The following PER3 variants were observed in gnomAD, a reference collection of about 807,000 sequenced individuals.
PER3 encodes period circadian protein homolog 3.
In PER3, 107 loss-of-function variants were observed where a neutral mutation model predicts 127.2. The observed-to-expected ratio is 0.84, with a 90% CI of 0.72 to 0.99. PER3 has a LOEUF of 0.99. Ranked by LOEUF, PER3 falls within the 50% of genes least tolerant of loss-of-function variation. PER3 has a pLI of 0.00. For missense variants in PER3, 1,560 were observed against 1,525.8 expected, an observed-to-expected ratio of 1.02 and a Z score of -0.37; for synonymous variants, 618 against 585.8, an observed-to-expected ratio of 1.05 and a Z score of -0.79.
In PER3 at chr1:7,826,461, A is replaced by G; in HGVS notation, c.1958-19A>G. On this transcript the variant is annotated intron_variant, in intron 16 of 21. Coordinates refer to ENST00000377532, the MANE Select transcript of PER3 (RefSeq NM_001377275.1). This position sits in a 1 kb window ranked among gnomAD's most constrained non-coding sequence, Gnocchi z 4.2. ...TAATTGATAGGAATTAAAATTAAAT[A>G]TGTCTTCTTCCACCTCAGCCAGGGA... is the stretch of plus-strand genomic sequence containing the variant. 6 of 1,350,854 alleles carry G rather than the reference A, an allele frequency of 4.4e-6. No homozygotes were observed. Among genetic ancestry groups the G allele is most frequent in the Non-Finnish European group, 4.2e-6 (4 of 942,940 alleles). The allele number at this position is 1,350,854 out of a possible 1,614,324, so 83.7% of individuals were successfully genotyped here.
chr1:7,825,916 C>A lies in PER3; in HGVS notation c.1958-564C>A, dbSNP rs79318555. Among the ~76,000 whole-genome samples the A allele has an allele frequency of 1.1e-3, 170 of 149,818 alleles. 1 individual carries two copies. Among genetic ancestry groups the A allele is most frequent in the African/African-American group, 4.0e-3 (163 of 40,886 alleles). ...CAAAAAAAAAAAAAATGAACAAATA[C>A]AAAATTTAGCCAGGCGTGGTGTGGC... is the stretch of plus-strand genomic sequence containing the variant. On this transcript the variant is annotated intron_variant, in intron 16 of 21. Coordinates refer to ENST00000377532, the MANE Select transcript of PER3 (RefSeq NM_001377275.1).
Position 7,809,977 on chromosome 1 carries a change from A to G in PER3, c.1327A>G (p.Ser443Gly), listed in dbSNP as rs2097212064. The G allele has an allele frequency of 6.2e-7, 1 of 1,613,872 alleles. No homozygotes were observed. The highest frequency in any genetic ancestry group is 8.5e-7 in the Non-Finnish European group (1 of 1,179,710). Residue 443 changes from serine to glycine, a missense_variant, in exon 12 of 22, where the codon AGT (serine) becomes GGT (glycine). Ser to Gly is a moderately conservative substitution (Grantham distance 56). Transcript: ENST00000377532. The stretch of plus-strand genomic sequence containing the variant: ...GCAGCTTGTCAGCATCGCCTCCTCC[A>G]GTGAGGCCAGTGGGCACCGTGTGGA... The part of the protein sequence containing the change: ...QEQLVSIASS[S>G]EASGHRVEET...
intron 10 of PER3, 67 bp downstream of exon 10, chr1:7,803,915 G>A: frequency 7.7e-7 from 1 of 1,297,806 alleles, no homozygotes; most frequent in Non-Finnish European, 1.1e-6. Context: ...TTAGCTTATT[G>A]ACTGCCCTCT....
chr1:7,808,862 T>C (rs1011889724), intron 10 of PER3, 31 bp from the exon 11 acceptor site: 2 of 1,091,652 alleles, frequency 1.8e-6, no homozygotes, highest in Admixed American at 3.4e-5. Context: ...TTTAAATTGT[T>C]TGACTCAGTC....
At chr1:7,836,787 C>G (rs1002692005) in intron 20 of PER3, 2 of 425,374 alleles carry the variant, frequency 4.7e-6, no homozygotes, top group Non-Finnish European at 8.3e-6. Context: ...TTCCATACAC[C>G]TCATTAAAAC....
At chr1:7,836,072 A>G in intron 20 of PER3, 127 bp downstream of exon 20, 1 of 603,526 alleles carries the variant, frequency 1.7e-6, no homozygotes, top group Non-Finnish European at 2.9e-6. Flanking sequence ...ATCTCAGCAC[A>G]CTGCAACCTC....
chr1:7,817,533 G>A (rs1462702243), intron 13 of PER3, among the ~76,000 whole-genome samples: 1 of 152,166 alleles, frequency 6.6e-6, no homozygotes, highest in African/African-American at 2.4e-5. Flanking sequence ...ATTCTAAAGC[G>A]ACTTTATACT....
chr1:7,795,272 TTGTC>T (rs1164303469), intron 6 of PER3, among the ~76,000 whole-genome samples: 3 of 152,206 alleles, frequency 2.0e-5, no homozygotes, highest in Non-Finnish European at 4.4e-5. Flanking sequence ...GCCAGGCACT[TTGTC>T]AGTGCTGGGA....
At chr1:7,795,650 A>G (rs939878167) in intron 6 of PER3, among the ~76,000 whole-genome samples, 44 of 152,276 alleles carry the variant, frequency 2.9e-4, no homozygotes, top group African/African-American at 9.1e-4. Flanking sequence ...TGAGTGGAGG[A>G]AGGAACGAGG....
In PER3 at chr1:7,788,128, G is replaced by T; in HGVS notation, c.474G>T (p.Lys158Asn). The stretch of plus-strand genomic sequence containing the variant: ...AGGCTGCTTTGATCCTGAATCGTAA[G>T]AAAGATGTCCTGGCGTCTTCTCACT... ...SEQAALILNR[K>N]KDVLASSHFV... is the part of the protein sequence containing the mutation. Residue 158 changes from lysine to asparagine, a missense_variant, in exon 5 of 22, where the codon AAG (lysine) becomes AAT (asparagine). By Grantham distance (94) the Lys-to-Asn change is moderately conservative. Transcript: ENST00000377532. 1.2e-6 allele frequency: 2 copies of T among 1,614,032 alleles called. No individual in the cohort carries two copies. The highest frequency in any genetic ancestry group is 1.7e-6 in the Non-Finnish European group (2 of 1,179,900).
rs1172990014 is a variant in PER3, at chr1:7,808,987, C to T, written c.1231C>T (p.Leu411Phe). 6.7e-7 allele frequency: 1 copy of T among 1,497,748 alleles called. No homozygotes were observed. The highest frequency in any genetic ancestry group is 1.1e-5 in the South Asian group (1 of 87,466). The allele number at this position is 1,497,748 out of a possible 1,614,324, so 92.8% of individuals were successfully genotyped here. A position where few individuals can be genotyped will look rare whatever the true frequency, so the allele number is the denominator to read the frequency against. Residue 411 changes from leucine (L) to phenylalanine (F), a missense_variant, in exon 11 of 22, where the codon CTT (leucine) becomes TTT (phenylalanine). By Grantham distance (22) the Leu-to-Phe change is conservative. This residue lies in a region of PER3 where 1,332 missense variants were observed against 1,223.6 expected (regional missense o/e 1.09). Transcript: ENST00000377532. ...AGAATTACAAGAACAAATTTACAAA[C>T]TTCTCTTACAGGTAAGGTGAGATTG... ...ITELQEQIYKLLLQPVHVSVS... is the reference protein window; with the variant it reads ...ITELQEQIYKFLLQPVHVSVS...
chr1:7,825,656 C>A (rs951886022), intron 16 of PER3, among the ~76,000 whole-genome samples: 2 of 152,166 alleles, frequency 1.3e-5, no homozygotes, highest in Non-Finnish European at 2.9e-5. Context: ...CTTTGGGAGT[C>A]CAAGGCAGAT....
At chr1:7,795,517 G>T (rs1003667730) in intron 6 of PER3, among the ~76,000 whole-genome samples, 22 of 152,192 alleles carry the variant, frequency 1.4e-4, no homozygotes, top group African/African-American at 5.1e-4. Context: ...GAGCCACACC[G>T]GTATCTGAGG....
rs554573019 is a variant in PER3, at chr1:7,785,422, A to AT, written c.129-10dup. 1.2e-3 allele frequency: 1,858 copies of AT among 1,578,936 alleles called. 1 individual carries two copies. Among genetic ancestry groups the AT allele is most frequent in the Non-Finnish European group, 1.5e-3 (1,740 of 1,152,162 alleles). The stretch of plus-strand genomic sequence containing the variant: ...GTTGTCTTCAGAGGATGAAGTTGTA[A>AT]TTTTTTTTTATCTTCCAGTGAACAG... On this transcript the variant is annotated intron_variant, in intron 2 of 21. Transcript: ENST00000377532.
chr1:7,799,978 A>G (rs2097163264), intron 7 of PER3, among the ~76,000 whole-genome samples: 1 of 151,814 alleles, frequency 6.6e-6, no homozygotes, highest in Admixed American at 6.6e-5. Context: ...GGGTCACACT[A>G]TGTTGCCCAG....
Position 7,820,230 on chromosome 1 carries a change from G to A in PER3, c.1774G>A (p.Ala592Thr), listed in dbSNP as rs200825068. Reference sequence around the variant, plus strand: ...GAACCACAAGGCAGATGATGTCCAAGCCTTACAAGGTAACAAGAATGCCCC... The same window carrying A: ...GAACCACAAGGCAGATGATGTCCAAACCTTACAAGGTAACAAGAATGCCCC... ...KQNHKADDVQ[A>T]LQAGLQIPAI... The change falls in exon 15 of 22, where the codon GCC (alanine) becomes ACC (threonine). Residue 592 changes from alanine to threonine, a missense_variant. Physicochemically the swap from Ala to Thr is moderately conservative, Grantham distance 58 (BLOSUM62 0). Coordinates refer to ENST00000377532, the MANE Select transcript of PER3 (RefSeq NM_001377275.1). 6.2e-7 allele frequency: 1 copy of A among 1,612,256 alleles called. No individual in the cohort carries two copies. The highest frequency in any genetic ancestry group is 2.2e-5 in the East Asian group (1 of 44,866).
intron 1 of PER3, 73 bp from the exon 2 acceptor site, chr1:7,784,581 C>G (rs2097075662): frequency 3.9e-6 from 1 of 257,474 alleles, no homozygotes; most frequent in Admixed American, 5.6e-5. Flanking sequence ...TCGGGGCGCC[C>G]CAGCCAGCCG....
At chr1:7,825,771 A>C (rs1164396409) in intron 16 of PER3, among the ~76,000 whole-genome samples, 1 of 152,080 alleles carries the variant, frequency 6.6e-6, no homozygotes, top group East Asian at 1.9e-4. Context: ...CATGCCTGTA[A>C]TTCCAGCTAC....
At position 7,809,896 on chromosome 1, in the gene PER3, G is replaced by C; in HGVS notation, c.1246G>C (p.Val416Leu). The C allele has an allele frequency of 6.2e-7, 1 of 1,613,958 alleles. No homozygotes were observed. The highest frequency in any genetic ancestry group is 8.5e-7 in the Non-Finnish European group (1 of 1,179,940). Residue 416 changes from valine (V) to leucine (L), a missense_variant, in exon 12 of 22, where the codon GTT becomes CTT. Physicochemically the swap from Val to Leu is conservative, Grantham distance 32 (BLOSUM62 1). This residue lies in a region of PER3 where 1,332 missense variants were observed against 1,223.6 expected (regional missense o/e 1.09). Coordinates refer to ENST00000377532, the MANE Select transcript of PER3 (RefSeq NM_001377275.1). ...TTGTTCCTCTTTGTCCTTCCAGCCA[G>C]TTCACGTGAGCGTGTCCAGCGGCTA... Reference protein sequence around the residue: ...EQIYKLLLQPVHVSVSSGYGS... With the variant: ...EQIYKLLLQPLHVSVSSGYGS...
Sources: gnomAD v4.1 joint callset for allele counts (sites outside exome capture counted in the v4.1 genomes callset) on GRCh38, gnomAD v4.1.1 for gene constraint, gnomAD v4.1.1 regional missense constraint, Gnocchi (gnomAD v3.1) non-coding constraint, MANE v1.5 for transcripts, NCBI Gene and HGNC (gene_info 2026-07-23, HGNC 2026-07-21) for gene names.